BCAS3: variants seen among roughly 807,000 people sequenced by gnomAD.
The protein encoded by BCAS3 is BCAS3 microtubule associated cell migration factor.
A neutral mutation model predicts 116.1 loss-of-function variants in BCAS3; 53 were observed. The observed-to-expected ratio is 0.46, with a 90% CI of 0.37 to 0.57. The LOEUF (loss-of-function observed/expected upper bound fraction) is 0.57, where lower values mean the gene tolerates loss of function less well. BCAS3 is among the 20% of genes least tolerant of loss of function. The pLI, the probability that BCAS3 is intolerant of heterozygous loss-of-function variation, is 0.00. For synonymous variants in BCAS3, 391 were observed against 408.2 expected (o/e 0.96, Z 0.51); for missense variants, 917 against 1,165.4 (o/e 0.79, Z 3.10).
chr17:61,392,285 A>T lies in BCAS3; in HGVS notation c.*160A>T. On this transcript the variant is annotated 3_prime_UTR_variant, in exon 24 of 24. Transcript: ENST00000407086. This position sits in a 1 kb window ranked among gnomAD's most constrained non-coding sequence, Gnocchi z 6.4. ...CCCATCCTACCTGGATGGAGAAGAG[A>T]CCCTTCTCCAAGCACCTCAGCGCAC... The T allele has an allele frequency of 5.9e-6, 5 of 846,540 alleles. No homozygotes were observed. Among genetic ancestry groups the T allele is most frequent in the Non-Finnish European group, 8.9e-6 (5 of 562,586 alleles). The allele number at this position is 846,540 out of a possible 1,614,324, so 52.4% of individuals were successfully genotyped here. A position where few individuals can be genotyped will look rare whatever the true frequency, so the allele number is the denominator to read the frequency against.
Position 61,004,570 on chromosome 17 carries a change from C to G in BCAS3, c.1487-11181C>G, listed in dbSNP as rs1163681800. Among the ~76,000 whole-genome samples, 1 of 151,788 alleles carries G rather than the reference C, an allele frequency of 6.6e-6. No homozygotes were observed. Among genetic ancestry groups the G allele is most frequent in the Non-Finnish European group, 1.5e-5 (1 of 67,952 alleles). ...AAATCTGCTAGTTGATAGTTGTAAA[C>G]TACAAAAGGACAACAAGACAGGGAT... On this transcript the variant is annotated intron_variant, in intron 15 of 23. Coordinates refer to ENST00000407086, the MANE Select transcript of BCAS3 (RefSeq NM_017679.5). This position sits in a 1 kb window ranked among gnomAD's most constrained non-coding sequence, Gnocchi z 4.8.
At position 61,162,467 on chromosome 17, in the gene BCAS3, G is replaced by A. The variant is rs2078224381; in HGVS notation, c.2425+77903G>A. 6.6e-6 allele frequency among the ~76,000 whole-genome samples: 1 copy of A among 152,158 alleles called. No homozygotes were observed. Among genetic ancestry groups the A allele is most frequent in the African/African-American group, 2.4e-5 (1 of 41,416 alleles). ...TAGAGAAAGGACAGGTATATACATC[G>A]TATTTTATTTGAAGGTATCCTGACA... On this transcript the variant is annotated intron_variant, in intron 22 of 23. Coordinates refer to ENST00000407086, the MANE Select transcript of BCAS3 (RefSeq NM_017679.5). The surrounding 1 kb of genome is among the most constrained non-coding windows in gnomAD (Gnocchi z 5.6).
At chr17:60,959,147 CA>C (rs201979854) in intron 14 of BCAS3, among the ~76,000 whole-genome samples, 2 of 150,046 alleles carry the variant, frequency 1.3e-5, no homozygotes, top group African/African-American at 2.4e-5. Context: ...TCTACAAAAG[CA>C]AAAAAAAAGT....
rs929889417 is a variant in BCAS3 at position 61,118,456 on chromosome 17, A to T, written c.2425+33892A>T. On this transcript the variant is annotated intron_variant, in intron 22 of 23. Coordinates refer to ENST00000407086, the MANE Select transcript of BCAS3 (RefSeq NM_017679.5). This position sits in a 1 kb window ranked among gnomAD's most constrained non-coding sequence, Gnocchi z 5.0. ...CAGACTCCCCATTTGTCCTGCACCA[A>T]AACTGCACGTGTGTGTTAGGAGGTG... Among the ~76,000 whole-genome samples, 2 of 152,116 alleles carry T rather than the reference A, an allele frequency of 1.3e-5. No individual in the cohort carries two copies. The highest frequency in any genetic ancestry group is 6.6e-5 in the Admixed American group (1 of 15,264).
At chr17:60,955,155 T>TA (rs1183011535) in intron 14 of BCAS3, among the ~76,000 whole-genome samples, 4 of 152,186 alleles carry the variant, frequency 2.6e-5, no homozygotes, top group African/African-American at 9.7e-5. Context: ...GGCCTTCCAC[T>TA]AAGGCAGATA....
rs374379061 is a variant in BCAS3 at position 61,121,816 on chromosome 17, C to T, written c.2425+37252C>T. Among the ~76,000 whole-genome samples, 102 of 152,248 alleles carry T rather than the reference C, an allele frequency of 6.7e-4. 1 individual carries two copies. In the East Asian group the frequency reaches 8.7e-3, roughly 13 times the overall value. ...CATGATCTCAGCTCACTGCAATTTC[C>T]GCCTCCCGGGTTCAAGCAGTTCTCT... On this transcript the variant is annotated intron_variant, in intron 22 of 23. Transcript: ENST00000407086.
At chr17:61,143,638 G>C (rs1341928061) in intron 22 of BCAS3, among the ~76,000 whole-genome samples, 1 of 151,934 alleles carries the variant, frequency 6.6e-6, no homozygotes, top group Non-Finnish European at 1.5e-5. Context: ...GCGAGACCCC[G>C]CCTCTACTAA....
Position 61,073,730 on chromosome 17 carries a change from T to A in BCAS3, c.2030-1190T>A, listed in dbSNP as rs1600998325. Reference sequence around the variant, plus strand: ...TTCTTCCACACTTCTTTAATGATCATCTCTTACTTTCTTACTTTTCTTTCT... The same window carrying A: ...TTCTTCCACACTTCTTTAATGATCAACTCTTACTTTCTTACTTTTCTTTCT... On this transcript the variant is annotated intron_variant, in intron 19 of 23. Transcript: ENST00000407086. The surrounding 1 kb of genome is among the most constrained non-coding windows in gnomAD (Gnocchi z 4.6). Among the ~76,000 whole-genome samples, 1 of 152,172 alleles carries A rather than the reference T, an allele frequency of 6.6e-6. No homozygotes were observed. The highest frequency in any genetic ancestry group is 1.5e-5 in the Non-Finnish European group (1 of 68,026).
chr17:60,972,444 CTTTTT>C (rs150860541), intron 14 of BCAS3, among the ~76,000 whole-genome samples: 1 of 114,124 alleles, frequency 8.8e-6, no homozygotes, highest in Non-Finnish European at 1.8e-5. Flanking sequence ...CTCACTTGGC[CTTTTT>C]TTTTTTTTTT....
chr17:60,901,117 G>A (rs1267146308), intron 10 of BCAS3, among the ~76,000 whole-genome samples: 2 of 151,828 alleles, frequency 1.3e-5, no homozygotes, highest in Non-Finnish European at 2.9e-5. Context: ...AGGCCGAGGC[G>A]GGAGAATTAC....
At chr17:60,721,871 C>G (rs1372478758) in intron 5 of BCAS3, among the ~76,000 whole-genome samples, 1 of 152,138 alleles carries the variant, frequency 6.6e-6, no homozygotes, top group East Asian at 1.9e-4. Context: ...CTTTCCACCT[C>G]CAAGTAACCA....
chr17:61,329,346 T>TA (rs1210998225), intron 22 of BCAS3, among the ~76,000 whole-genome samples: 1 of 124,716 alleles, frequency 8.0e-6, no homozygotes, highest in Admixed American at 7.3e-5. Flanking sequence ...TATTATTATT[T>TA]TTTTTTTTTT....
At chr17:60,920,258 G>C (rs2059002046) in intron 12 of BCAS3, among the ~76,000 whole-genome samples, 1 of 152,106 alleles carries the variant, frequency 6.6e-6, no homozygotes, top group African/African-American at 2.4e-5. Flanking sequence ...AATGATACCT[G>C]ATTAAACTAA....
intron 4 of BCAS3, among the ~76,000 whole-genome samples, chr17:60,706,474 ATTTT>A (rs1359916119): frequency 3.7e-5 from 5 of 133,380 alleles, no homozygotes; most frequent in African/African-American, 2.1e-4. Context: ...AATTGACTTT[ATTTT>A]AACAGTAAGC....
chr17:61,191,427 T>G (rs897163607), intron 22 of BCAS3, among the ~76,000 whole-genome samples: 2 of 151,850 alleles, frequency 1.3e-5, no homozygotes, highest in Admixed American at 1.3e-4. Context: ...AACAAGAAAT[T>G]ATATAGCAAA....
chr17:60,846,937 C>A (rs547888050), intron 7 of BCAS3, among the ~76,000 whole-genome samples: 5 of 152,290 alleles, frequency 3.3e-5, no homozygotes, highest in Non-Finnish European at 7.4e-5. Flanking sequence ...TTATTCACAT[C>A]GAAAGAAAGC....
chr17:61,066,041 T>C (rs2070575905), intron 19 of BCAS3, among the ~76,000 whole-genome samples: 1 of 152,234 alleles, frequency 6.6e-6, no homozygotes, highest in African/African-American at 2.4e-5. Context: ...CATATAAAAC[T>C]AGGTACCATT....
chr17:61,006,236 A>G (rs1020934388), intron 15 of BCAS3, among the ~76,000 whole-genome samples: 4 of 152,124 alleles, frequency 2.6e-5, no homozygotes, highest in Admixed American at 6.6e-5. Context: ...CCTTAAGTAT[A>G]CATTCTTTAA....
At chr17:60,803,284 C>T (rs2047975773) in intron 6 of BCAS3, among the ~76,000 whole-genome samples, 1 of 152,176 alleles carries the variant, frequency 6.6e-6, no homozygotes, top group African/African-American at 2.4e-5. Context: ...GGGTAAAGGT[C>T]TTAGCATCGA....
Sources: allele counts gnomAD v4.1 joint callset (sites outside exome capture counted in the v4.1 genomes callset), GRCh38; gene constraint gnomAD v4.1.1; non-coding constraint Gnocchi (gnomAD v3.1); transcripts MANE v1.5; gene names NCBI Gene and HGNC (gene_info 2026-07-23, HGNC 2026-07-21).